THADA: variants seen among roughly 807,000 people sequenced by gnomAD.
THADA encodes THADA armadillo repeat containing, also known as tRNA (32-2'-O)-methyltransferase regulator THADA.
In THADA, 213 loss-of-function variants were observed where a neutral mutation model predicts 219.8. That is an observed-to-expected ratio of 0.97 (90% confidence interval 0.87 to 1.09). THADA has a LOEUF of 1.09. Among genes scored for constraint, THADA ranks in the 50% least tolerant of loss-of-function variants. The pLI, the probability that THADA is intolerant of heterozygous loss-of-function variation, is 0.00. For synonymous variants in THADA, 1,018 were observed against 828.9 expected (o/e 1.23, Z -3.92); for missense variants, 2,956 against 2,311.3 (o/e 1.28, Z -5.72).
chr2:43,260,936 C>T (rs1558481549), intron 36 of THADA, among the ~76,000 whole-genome samples: 1 of 152,040 alleles, frequency 6.6e-6, no homozygotes, highest in East Asian at 1.9e-4. Flanking sequence ...TTGGCTTGAC[C>T]TTTTACATTC....
chr2:43,458,079 G>A (rs1683224897), intron 26 of THADA, among the ~76,000 whole-genome samples: 1 of 152,112 alleles, frequency 6.6e-6, no homozygotes, highest in African/African-American at 2.4e-5. Context: ...GGGTAGCACA[G>A]GATAACATGA....
At chr2:43,251,068 A>G (rs150684748) in intron 36 of THADA, among the ~76,000 whole-genome samples, 1 of 152,340 alleles carries the variant, frequency 6.6e-6, no homozygotes, top group African/African-American at 2.4e-5. Flanking sequence ...GAAAGGTTGC[A>G]GCCTGAGAGG....
At chr2:43,580,654 C>G (rs182923434) in intron 8 of THADA, among the ~76,000 whole-genome samples, 1 of 151,800 alleles carries the variant, frequency 6.6e-6, no homozygotes, top group African/African-American at 2.4e-5. Context: ...GCGGGCAGAT[C>G]ACCTGAGGTC....
At chr2:43,240,199 C>T (rs1395525505) in intron 36 of THADA, among the ~76,000 whole-genome samples, 3 of 152,062 alleles carry the variant, frequency 2.0e-5, no homozygotes, top group South Asian at 2.1e-4. Context: ...AAGCTTGGGC[C>T]GCAGGGAGAC....
intron 26 of THADA, among the ~76,000 whole-genome samples, chr2:43,467,592 T>C (rs941081132): frequency 6.6e-6 from 1 of 152,172 alleles, no homozygotes; most frequent in African/African-American, 2.4e-5. Flanking sequence ...GTCCAAATAA[T>C]TGGAAAAGTT....
chr2:43,511,302 T>G (rs919029454), intron 22 of THADA, among the ~76,000 whole-genome samples: 1 of 152,168 alleles, frequency 6.6e-6, no homozygotes, highest in African/African-American at 2.4e-5. Context: ...ATACACTAAA[T>G]ACTAGTTCAA....
At chr2:43,506,796 A>G (rs1020386213) in intron 23 of THADA, among the ~76,000 whole-genome samples, 3 of 152,200 alleles carry the variant, frequency 2.0e-5, no homozygotes, top group African/African-American at 4.8e-5. Flanking sequence ...CTCCATGTCT[A>G]CTTTTCATGT....
chr2:43,399,663 T>C (rs572481903), intron 28 of THADA, among the ~76,000 whole-genome samples: 156 of 152,224 alleles, frequency 1.0e-3, no homozygotes, highest in African/African-American at 3.2e-3. Context: ...CCTCACATTA[T>C]CTGTGGGAAA....
intron 21 of THADA, among the ~76,000 whole-genome samples, chr2:43,540,006 A>G (rs909039506): frequency 6.6e-6 from 1 of 152,162 alleles, no homozygotes; most frequent in African/African-American, 2.4e-5. Flanking sequence ...TACCCAACAA[A>G]CCCAAAAAAC....
intron 25 of THADA, among the ~76,000 whole-genome samples, chr2:43,486,280 A>G (rs1260098311): frequency 2.6e-5 from 4 of 152,322 alleles, no homozygotes; most frequent in African/African-American, 9.6e-5. Context: ...ATAAACACAA[A>G]TTATTTCTCC....
intron 26 of THADA, among the ~76,000 whole-genome samples, chr2:43,431,072 A>C (rs1476657875): frequency 6.6e-6 from 1 of 152,236 alleles, no homozygotes; most frequent in Non-Finnish European, 1.5e-5. Context: ...AAAAAGCTCA[A>C]GCTAAATATG....
chr2:43,507,425 A>G (rs1689816874), intron 23 of THADA, among the ~76,000 whole-genome samples: 1 of 152,320 alleles, frequency 6.6e-6, no homozygotes, highest in Admixed American at 6.5e-5. Context: ...AGACAGACAA[A>G]TGACACGTAA....
intron 1 of THADA, among the ~76,000 whole-genome samples, chr2:43,593,703 C>T (rs998150664): frequency 6.8e-6 from 1 of 147,500 alleles, no homozygotes; most frequent in Non-Finnish European, 1.5e-5. Flanking sequence ...GCGCGATCTG[C>T]GCTCACTGCA....
intron 25 of THADA, among the ~76,000 whole-genome samples, chr2:43,487,205 G>A (rs941404026): frequency 3.3e-5 from 5 of 152,128 alleles, no homozygotes; most frequent in Non-Finnish European, 7.4e-5. Flanking sequence ...TAGTGAGGTA[G>A]TTCCCAAAGA....
At chr2:43,342,791 A>G (rs1185653823) in intron 30 of THADA, among the ~76,000 whole-genome samples, 2 of 152,130 alleles carry the variant, frequency 1.3e-5, no homozygotes, top group African/African-American at 2.4e-5. Context: ...TTGTATCCCT[A>G]TATCTCCTAA....
At chr2:43,495,037 T>G (rs1688093003) in intron 25 of THADA, among the ~76,000 whole-genome samples, 2 of 152,238 alleles carry the variant, frequency 1.3e-5, no homozygotes, top group African/African-American at 4.8e-5. Flanking sequence ...GGCACAGTTA[T>G]ATTCCCAAGA....
intron 36 of THADA, among the ~76,000 whole-genome samples, chr2:43,248,053 A>AGAAC (rs1669343847): frequency 6.7e-6 from 1 of 148,420 alleles, no homozygotes; most frequent in Non-Finnish European, 1.5e-5. Context: ...AAAGCAAAAC[A>AGAAC]AAACAAACAA....
chr2:43,390,519 T>C (rs555013757), intron 29 of THADA, among the ~76,000 whole-genome samples: 2 of 152,346 alleles, frequency 1.3e-5, no homozygotes, highest in Admixed American at 1.3e-4. Flanking sequence ...ATGACGACTA[T>C]TCTGACATGC....
At chr2:43,461,505 A>G (rs766838121) in intron 26 of THADA, among the ~76,000 whole-genome samples, 2 of 152,146 alleles carry the variant, frequency 1.3e-5, no homozygotes, top group Non-Finnish European at 2.9e-5. Context: ...TTTAAGCATT[A>G]CAGATTTCCT....
Sources: gnomAD v4.1 joint callset for allele counts (sites outside exome capture counted in the v4.1 genomes callset) on GRCh38, gnomAD v4.1.1 for gene constraint, MANE v1.5 for transcripts, NCBI Gene and HGNC (gene_info 2026-07-23, HGNC 2026-07-21) for gene names.